PCDHGB5: variants seen among roughly 807,000 people sequenced by gnomAD.
PCDHGB5 encodes protocadherin gamma-B5.
A neutral mutation model predicts 62.9 loss-of-function variants in PCDHGB5; 48 were observed. That is an observed-to-expected ratio of 0.76 (90% confidence interval 0.61 to 0.97). The LOEUF is 0.97. PCDHGB5 is among the 50% of genes least tolerant of loss of function. The probability of loss-of-function intolerance (pLI) is 0.00; values close to 1 mark genes in which losing one functional copy is unlikely to be tolerated. For missense variants in PCDHGB5, 1,118 were observed against 1,198.6 expected (o/e 0.93, Z 0.99); for synonymous variants, 474 against 511.2 (o/e 0.93, Z 0.98).
At chr5:141,447,535 G>C (rs1366016262) in intron 1 of PCDHGB5, among the ~76,000 whole-genome samples, 1 of 152,162 alleles carries the variant, frequency 6.6e-6, no homozygotes, top group African/African-American at 2.4e-5. Flanking sequence ...AAATTGTTGG[G>C]TTTTAATGTT....
intron 3 of PCDHGB5, chr5:141,506,955 C>T (rs1387377785): frequency 2.6e-5 from 4 of 152,362 alleles, no homozygotes; most frequent in South Asian, 2.1e-4. Context: ...AATGAATCCT[C>T]TCAATAGCTC....
intron 1 of PCDHGB5, among the ~76,000 whole-genome samples, chr5:141,435,105 G>C (rs1046201852): frequency 2.6e-5 from 4 of 151,940 alleles, no homozygotes; most frequent in African/African-American, 9.7e-5. Flanking sequence ...TATCTAGGGG[G>C]GAGAAATCTA....
Position 141,491,414 on chromosome 5 carries a change from G to A in PCDHGB5, c.2398-3393G>A. On this transcript the variant is annotated intron_variant, in intron 1 of 3. Coordinates refer to ENST00000617380, the MANE Select transcript of PCDHGB5 (RefSeq NM_018925.3). The surrounding 1 kb of genome is among the most constrained non-coding windows in gnomAD (Gnocchi z 6.9). ...CTTCAGGGAAACGCAGACGGGGACGGGGGTGGAGGGCAGTGCTGCAGGCGC... is the reference window on the plus strand; with the variant it reads ...CTTCAGGGAAACGCAGACGGGGACGAGGGTGGAGGGCAGTGCTGCAGGCGC... 2 of 1,614,126 alleles carry A rather than the reference G, an allele frequency of 1.2e-6. No individual in the cohort carries two copies. Among genetic ancestry groups the A allele is most frequent in the Non-Finnish European group, 1.7e-6 (2 of 1,180,022 alleles).
Position 141,487,401 on chromosome 5 carries a change from T to C in PCDHGB5, c.2398-7406T>C, listed in dbSNP as rs2099644244. The C allele has an allele frequency of 6.2e-7, 1 of 1,614,134 alleles. No individual in the cohort carries two copies. The highest frequency in any genetic ancestry group is 1.3e-5 in the African/African-American group (1 of 75,046). On this transcript the variant is annotated intron_variant, in intron 1 of 3. Transcript: ENST00000617380. This position sits in a 1 kb window ranked among gnomAD's most constrained non-coding sequence, Gnocchi z 5.0. ...ACCAGATCTCGAAGGAGGGAGGGGCTTCCCCCTTCCAATGGGATCCTCCGA... is the reference window on the plus strand; with the variant it reads ...ACCAGATCTCGAAGGAGGGAGGGGCCTCCCCCTTCCAATGGGATCCTCCGA...
In PCDHGB5 at chr5:141,510,983, C is replaced by T; in HGVS notation, c.2582C>T (p.Ala861Val). The change falls in exon 4 of 4, where the codon GCC becomes GTC. Residue 861 changes from alanine to valine, a missense_variant. Around this residue, in one of 2 missense-constraint regions of PCDHGB5, gnomAD observed 1,034 missense variants for 1,029.1 expected, o/e 1.00. Transcript: ENST00000617380. The stretch of plus-strand genomic sequence containing the variant: ...GGGAGCTCCACCCTGGGAGGGGGTG[C>T]CGGCACCATGGGATTGAGCGCCCGC... ...ADGSSTLGGG[A>V]GTMGLSARYG... The T allele has an allele frequency of 6.2e-7, 1 of 1,614,162 alleles. No homozygotes were observed. The highest frequency in any genetic ancestry group is 8.5e-7 in the Non-Finnish European group (1 of 1,180,012).
chr5:141,445,252 A>G (rs2098461096), intron 1 of PCDHGB5, among the ~76,000 whole-genome samples: 1 of 152,224 alleles, frequency 6.6e-6, no homozygotes, highest in Non-Finnish European at 1.5e-5. Context: ...ATATTGTGTG[A>G]GAATATAAGT....
intron 2 of PCDHGB5, among the ~76,000 whole-genome samples, chr5:141,499,297 T>A (rs1449576891): frequency 1.3e-5 from 2 of 152,036 alleles, no homozygotes; most frequent in Non-Finnish European, 2.9e-5. Flanking sequence ...CACACTACCA[T>A]CCCTCCTCTG....
intron 1 of PCDHGB5, chr5:141,433,370 T>TCTAA (rs1466476027): frequency 1.8e-6 from 1 of 554,768 alleles, no homozygotes; most frequent in African/African-American, 1.9e-5. Context: ...TATCTATCTA[T>TCTAA]CTATCTATCT....
chr5:141,445,828 G>A (rs1188169953), intron 1 of PCDHGB5, among the ~76,000 whole-genome samples: 2 of 152,188 alleles, frequency 1.3e-5, no homozygotes, highest in African/African-American at 2.4e-5. Context: ...AAGGCAGGGA[G>A]AGCCTTGTAA....
At chr5:141,483,700 T>C (rs1003495517) in intron 1 of PCDHGB5, among the ~76,000 whole-genome samples, 4 of 152,090 alleles carry the variant, frequency 2.6e-5, no homozygotes, top group Admixed American at 2.6e-4. Context: ...ATTCCTCTTT[T>C]TGACACCAGA....
At chr5:141,502,472 A>T (rs1450967250) in intron 2 of PCDHGB5, among the ~76,000 whole-genome samples, 1 of 150,886 alleles carries the variant, frequency 6.6e-6, no homozygotes, top group Non-Finnish European at 1.5e-5. Flanking sequence ...TACTTCCCGC[A>T]GCATCACACT....
intron 2 of PCDHGB5, among the ~76,000 whole-genome samples, chr5:141,496,557 C>T (rs190275684): frequency 2.0e-5 from 3 of 152,258 alleles, no homozygotes; most frequent in Admixed American, 1.3e-4. Flanking sequence ...TGGGCATGCA[C>T]AGTCCTGTCA....
Position 141,491,415 on chromosome 5 carries a change from G to GGGT in PCDHGB5, c.2398-3389_2398-3387dup. 1 of 1,614,126 alleles carries GGGT rather than the reference G, an allele frequency of 6.2e-7. No individual in the cohort carries two copies. Among genetic ancestry groups the GGGT allele is most frequent in the Non-Finnish European group, 8.5e-7 (1 of 1,180,034 alleles). ...TTCAGGGAAACGCAGACGGGGACGG[G>GGGT]GGTGGAGGGCAGTGCTGCAGGCGCC... On this transcript the variant is annotated intron_variant, in intron 1 of 3. Transcript: ENST00000617380. The surrounding 1 kb of genome is among the most constrained non-coding windows in gnomAD (Gnocchi z 6.9).
In PCDHGB5 at chr5:141,490,770, C is replaced by T. The variant is rs774014462; in HGVS notation, c.2398-4037C>T. 1.2e-6 allele frequency: 2 copies of T among 1,614,120 alleles called. No individual in the cohort carries two copies. Among genetic ancestry groups the T allele is most frequent in the Non-Finnish European group, 8.5e-7 (1 of 1,179,968 alleles). ...CAGCCTCCTCCTTTGTGTATGTCAA[C>T]CCAGAGGATGGACGGATCTTTGCCC... On this transcript the variant is annotated intron_variant, in intron 1 of 3. Transcript: ENST00000617380. The surrounding 1 kb of genome is among the most constrained non-coding windows in gnomAD (Gnocchi z 5.4).
chr5:141,509,144 G>C (rs969990007), intron 3 of PCDHGB5, among the ~76,000 whole-genome samples: 14 of 152,114 alleles, frequency 9.2e-5, no homozygotes, highest in Admixed American at 2.0e-4. Context: ...GGCGCATCCC[G>C]GCTCTCCCCT....
chr5:141,449,708 AT>A (rs2098652573), intron 1 of PCDHGB5, among the ~76,000 whole-genome samples: 1 of 151,520 alleles, frequency 6.6e-6, no homozygotes. Context: ...CAAACACATT[AT>A]TTTTATATGA....
At chr5:141,410,471 G>GC in intron 1 of PCDHGB5, 1 of 1,613,988 alleles carries the variant, frequency 6.2e-7, no homozygotes, top group Non-Finnish European at 8.5e-7. Flanking sequence ...TCTGTGCATT[G>GC]CACATACGGG....
intron 1 of PCDHGB5, among the ~76,000 whole-genome samples, chr5:141,452,815 A>G (rs1199990390): frequency 6.6e-6 from 1 of 152,186 alleles, no homozygotes; most frequent in Admixed American, 6.5e-5. Flanking sequence ...TTTGTTCATA[A>G]GAAGCAAAAT....
intron 1 of PCDHGB5, chr5:141,427,495 C>T: frequency 1.8e-6 from 1 of 562,648 alleles, no homozygotes; most frequent in South Asian, 1.5e-5. Flanking sequence ...AAGCTTGTAA[C>T]AGATGGGACC....
Sources: gnomAD v4.1 joint callset for allele counts (sites outside exome capture counted in the v4.1 genomes callset) on GRCh38, gnomAD v4.1.1 for gene constraint, gnomAD v4.1.1 regional missense constraint, Gnocchi (gnomAD v3.1) non-coding constraint, MANE v1.5 for transcripts, NCBI Gene and HGNC (gene_info 2026-07-23, HGNC 2026-07-21) for gene names.